Variants in DDX10 observed in about 807,000 individuals in gnomAD.
DDX10 encodes probable ATP-dependent RNA helicase DDX10.
Under a neutral mutation model 104.3 loss-of-function variants are expected in DDX10, and 74 were observed. The observed-to-expected ratio is 0.71, with a 90% confidence interval of 0.59 to 0.86. The LOEUF is 0.86. Among genes scored for constraint, DDX10 ranks in the 40% least tolerant of loss-of-function variants. The probability of loss-of-function intolerance (pLI) is 0.00; values close to 1 mark genes in which losing one functional copy is unlikely to be tolerated. For missense variants in DDX10, 952 were observed against 1,040.0 expected, an observed-to-expected ratio of 0.92 and a Z score of 1.16; for synonymous variants, 351 against 353.4, an observed-to-expected ratio of 0.99 and a Z score of 0.08.
chr11:108,888,429 C>T (rs956663135), intron 16 of DDX10, among the ~76,000 whole-genome samples: 3 of 152,112 alleles, frequency 2.0e-5, no homozygotes, highest in Non-Finnish European at 4.4e-5. Flanking sequence ...ATACAGAAGC[C>T]CAATGATGAT....
chr11:108,830,156 A>G (rs1341475327), intron 13 of DDX10, among the ~76,000 whole-genome samples: 1 of 152,152 alleles, frequency 6.6e-6, no homozygotes, highest in Admixed American at 6.5e-5. Flanking sequence ...TTTTGACAGT[A>G]TGGTCATTTA....
At chr11:108,866,885 C>T (rs1229677774) in intron 16 of DDX10, among the ~76,000 whole-genome samples, 1 of 152,110 alleles carries the variant, frequency 6.6e-6, no homozygotes, top group African/African-American at 2.4e-5. Flanking sequence ...AAATAATGGA[C>T]ATAATTATAG....
intron 1 of DDX10, among the ~76,000 whole-genome samples, chr11:108,670,151 T>C (rs887158958): frequency 4.6e-5 from 7 of 152,128 alleles, no homozygotes; most frequent in African/African-American, 1.4e-4. Context: ...AGAGAGAATA[T>C]ATCTGAGCTG....
intron 17 of DDX10, among the ~76,000 whole-genome samples, chr11:108,931,180 A>C (rs1384686680): frequency 6.6e-6 from 1 of 152,202 alleles, no homozygotes; most frequent in Non-Finnish European, 1.5e-5. Flanking sequence ...AAAGACTTTC[A>C]CCTTACATGG....
At chr11:108,782,687 G>T (rs976841927) in intron 13 of DDX10, among the ~76,000 whole-genome samples, 5 of 151,730 alleles carry the variant, frequency 3.3e-5, no homozygotes, top group African/African-American at 1.2e-4. Flanking sequence ...CCTTTATAGT[G>T]ACCCTGTTTG....
chr11:108,859,144 C>T lies in DDX10; in HGVS notation c.2304+6935C>T, dbSNP rs368680228. ...GTCGGATTGCACTCCTTGACTCTGA[C>T]CACTGATGACTCTGCAGTGGGTGTT... On this transcript the variant is annotated intron_variant, in intron 16 of 17. Transcript: ENST00000322536. Among the ~76,000 whole-genome samples the T allele has an allele frequency of 7.9e-4, 121 of 152,272 alleles. 3 individuals carry two copies. The South Asian group carries it at 0.024, about 30-fold the overall frequency.
chr11:108,916,267 A>AT (rs1296425205), intron 16 of DDX10, among the ~76,000 whole-genome samples: 1 of 152,144 alleles, frequency 6.6e-6, no homozygotes. Flanking sequence ...GGAAATTAGA[A>AT]TTCTTGAGTT....
At chr11:108,827,215 A>G (rs1272423602) in intron 13 of DDX10, among the ~76,000 whole-genome samples, 3 of 152,256 alleles carry the variant, frequency 2.0e-5, no homozygotes, top group African/African-American at 7.2e-5. Context: ...TATTTCCTAT[A>G]TACTAGCCTA....
At chr11:108,883,030 T>C (rs1863247686) in intron 16 of DDX10, among the ~76,000 whole-genome samples, 1 of 152,214 alleles carries the variant, frequency 6.6e-6, no homozygotes, top group Admixed American at 6.5e-5. Context: ...GTATTGGCTT[T>C]AAAGGAGCAG....
At chr11:108,845,895 G>A (rs1417347098) in intron 15 of DDX10, among the ~76,000 whole-genome samples, 1 of 152,070 alleles carries the variant, frequency 6.6e-6, no homozygotes, top group Non-Finnish European at 1.5e-5. Context: ...TGACAGCCTT[G>A]AATCATAGCT....
intron 13 of DDX10, among the ~76,000 whole-genome samples, chr11:108,754,181 A>G (rs2094341846): frequency 6.6e-6 from 1 of 152,044 alleles, no homozygotes; most frequent in Non-Finnish European, 1.5e-5. Flanking sequence ...GTTTAGCTGA[A>G]TGATTCATTT....
At chr11:108,826,208 A>G (rs1417620824) in intron 13 of DDX10, among the ~76,000 whole-genome samples, 3 of 152,190 alleles carry the variant, frequency 2.0e-5, no homozygotes, top group Non-Finnish European at 4.4e-5. Flanking sequence ...ACATAGACTA[A>G]TGGTCTTATG....
intron 16 of DDX10, among the ~76,000 whole-genome samples, chr11:108,906,616 A>G (rs987242224): frequency 1.3e-5 from 2 of 152,228 alleles, no homozygotes; most frequent in Non-Finnish European, 2.9e-5. Flanking sequence ...ATCTCCTATT[A>G]GAGTGTTTAT....
intron 13 of DDX10, among the ~76,000 whole-genome samples, chr11:108,820,408 C>G (rs538846308): frequency 6.6e-6 from 1 of 152,292 alleles, no homozygotes; most frequent in South Asian, 2.1e-4. Context: ...CTCTGTCTCC[C>G]TCTTATTCCA....
At position 108,840,962 on chromosome 11, in the gene DDX10, C is replaced by T. The variant is rs528696811; in HGVS notation, c.2086-353C>T. On this transcript the variant is annotated intron_variant, in intron 14 of 17. Coordinates refer to ENST00000322536, the MANE Select transcript of DDX10 (RefSeq NM_004398.4). ...GGTACAGCCTGTGTCCTACTCAGCC[C>T]GACTCCTACTGTGTGCAGATAATTT... Among the ~76,000 whole-genome samples, 95 of 152,260 alleles carry T rather than the reference C, an allele frequency of 6.2e-4. 1 individual carries two copies. The South Asian group carries it at 0.019, about 30-fold the overall frequency.
At chr11:108,770,885 A>G (rs1408865980) in intron 13 of DDX10, among the ~76,000 whole-genome samples, 1 of 152,020 alleles carries the variant, frequency 6.6e-6, no homozygotes, top group Non-Finnish European at 1.5e-5. Flanking sequence ...GCTGGATCAT[A>G]TGGTAGCTCT....
intron 13 of DDX10, among the ~76,000 whole-genome samples, chr11:108,774,641 G>C (rs2094367524): frequency 6.6e-6 from 1 of 151,900 alleles, no homozygotes; most frequent in African/African-American, 2.4e-5. Flanking sequence ...CAAACTATAG[G>C]GTTAAAAGGG....
intron 13 of DDX10, among the ~76,000 whole-genome samples, chr11:108,812,282 C>G (rs944657203): frequency 2.6e-5 from 4 of 152,104 alleles, no homozygotes; most frequent in Non-Finnish European, 5.9e-5. Context: ...GAATACTATG[C>G]CTTTGAAATA....
In DDX10 at chr11:108,898,152, C is replaced by G. The variant is rs552471571; in HGVS notation, c.2305-19721C>G. On this transcript the variant is annotated intron_variant, in intron 16 of 17. Coordinates refer to ENST00000322536, the MANE Select transcript of DDX10 (RefSeq NM_004398.4). ...AAATTTGTGAGGGGGCTGCCCATCA[C>G]AGACCCATTAATCCATGACACTGGG... Among the ~76,000 whole-genome samples, 68 of 152,246 alleles carry G rather than the reference C, an allele frequency of 4.5e-4. 1 individual carries two copies. The highest frequency in any genetic ancestry group is 1.4e-3 in the African/African-American group (60 of 41,536).
Sources: gnomAD v4.1 joint callset for allele counts (sites outside exome capture counted in the v4.1 genomes callset) on GRCh38, gnomAD v4.1.1 for gene constraint, MANE v1.5 for transcripts, NCBI Gene and HGNC (gene_info 2026-07-23, HGNC 2026-07-21) for gene names.